Variants in RSRC1 observed in about 807,000 individuals in gnomAD.
The protein encoded by RSRC1 is arginine and serine rich coiled-coil 1, also known as serine/Arginine-related protein 53.
RSRC1 carries 39 observed loss-of-function variants against 49.1 expected under a neutral mutation model. The observed-to-expected ratio is 0.79, with a 90% CI of 0.61 to 1.04. The LOEUF is 1.04. Ranked by LOEUF, RSRC1 falls within the 50% of genes least tolerant of loss-of-function variation. The pLI, the probability that RSRC1 is intolerant of heterozygous loss-of-function variation, is 0.00. For synonymous variants in RSRC1, 143 were observed against 130.8 expected (o/e 1.09, Z -0.63); for missense variants, 388 against 402.4 (o/e 0.96, Z 0.31).
chr3:158,308,997 ATG>A (rs938595222), intron 5 of RSRC1, among the ~76,000 whole-genome samples: 3 of 151,912 alleles, frequency 2.0e-5, no homozygotes, highest in African/African-American at 7.2e-5. Context: ...AGCTGTACAT[ATG>A]TAATGGTCCC....
intron 4 of RSRC1, among the ~76,000 whole-genome samples, chr3:158,244,189 C>T (rs748473507): frequency 3.3e-5 from 5 of 151,928 alleles, no homozygotes; most frequent in South Asian, 4.1e-4. Context: ...GAGAGGGCAT[C>T]GTCTTGTGCC....
intron 6 of RSRC1, among the ~76,000 whole-genome samples, chr3:158,444,665 A>C (rs181691765): frequency 0.016 from 2,425 of 152,284 alleles, 85 homozygotes; most frequent in African/African-American, 0.055. Flanking sequence ...AATGGGATCT[A>C]ATTAAACTAA....
At chr3:158,125,841 T>C (rs1269179967) in intron 3 of RSRC1, among the ~76,000 whole-genome samples, 4 of 152,174 alleles carry the variant, frequency 2.6e-5, no homozygotes, top group Non-Finnish European at 4.4e-5. Context: ...TAAATACTTC[T>C]CCCTTCCATT....
chr3:158,230,196 A>G (rs529118701), intron 4 of RSRC1, among the ~76,000 whole-genome samples: 1 of 152,074 alleles, frequency 6.6e-6, no homozygotes, highest in Admixed American at 6.6e-5. Flanking sequence ...ATGTTTCTTC[A>G]TGATTGGAAT....
At chr3:158,364,456 T>A (rs1421889783) in intron 6 of RSRC1, among the ~76,000 whole-genome samples, 2 of 152,170 alleles carry the variant, frequency 1.3e-5, no homozygotes, top group African/African-American at 4.8e-5. Context: ...CTTGATTGTG[T>A]TTTGGTAGTC....
chr3:158,259,674 C>G (rs1055405424), intron 4 of RSRC1, among the ~76,000 whole-genome samples: 1 of 152,250 alleles, frequency 6.6e-6, no homozygotes, highest in South Asian at 2.1e-4. Context: ...CAGCGAGTTC[C>G]CCCCAGCCCC....
intron 3 of RSRC1, among the ~76,000 whole-genome samples, chr3:158,157,881 C>T (rs1451252292): frequency 6.6e-6 from 1 of 152,016 alleles, no homozygotes; most frequent in Non-Finnish European, 1.5e-5. Flanking sequence ...CACCATTGCA[C>T]CCCACCCTGG....
At chr3:158,178,099 C>T (rs1173291091) in intron 3 of RSRC1, among the ~76,000 whole-genome samples, 1 of 151,802 alleles carries the variant, frequency 6.6e-6, no homozygotes, top group Non-Finnish European at 1.5e-5. Flanking sequence ...TGTTTTCATT[C>T]CTGTTGTTGT....
At chr3:158,123,837 C>T (rs1008369795) in intron 2 of RSRC1, 29 bp from the exon 3 acceptor site, 2 of 1,577,266 alleles carry the variant, frequency 1.3e-6, no homozygotes, top group African/African-American at 1.4e-5. Context: ...ATTTTTATAG[C>T]AGTGATCTTT....
At chr3:158,164,858 C>T (rs1718444451) in intron 3 of RSRC1, among the ~76,000 whole-genome samples, 1 of 152,064 alleles carries the variant, frequency 6.6e-6, no homozygotes, top group Admixed American at 6.6e-5. Flanking sequence ...AGTACTTAAG[C>T]ATATTAGTCA....
At chr3:158,291,349 T>C (rs942762744) in intron 4 of RSRC1, among the ~76,000 whole-genome samples, 2 of 152,238 alleles carry the variant, frequency 1.3e-5, no homozygotes, top group African/African-American at 4.8e-5. Context: ...CAATTAGTTA[T>C]GTGATTTATG....
At chr3:158,332,751 C>A (rs1729622439) in intron 5 of RSRC1, among the ~76,000 whole-genome samples, 2 of 151,722 alleles carry the variant, frequency 1.3e-5, no homozygotes, top group Non-Finnish European at 2.9e-5. Flanking sequence ...TACCATTTTG[C>A]TATGTATTTT....
intron 4 of RSRC1, among the ~76,000 whole-genome samples, chr3:158,268,374 T>C (rs1271285701): frequency 6.6e-6 from 1 of 152,128 alleles, no homozygotes; most frequent in Non-Finnish European, 1.5e-5. Context: ...TAGTCAAGGG[T>C]TTTGACTTAA....
At chr3:158,498,557 A>G (rs569698778) in intron 7 of RSRC1, among the ~76,000 whole-genome samples, 30 of 152,192 alleles carry the variant, frequency 2.0e-4, no homozygotes, top group African/African-American at 6.5e-4. Flanking sequence ...TTGCCATGGA[A>G]AAGCTCTTTA....
At chr3:158,392,252 T>C (rs13092454) in intron 6 of RSRC1, among the ~76,000 whole-genome samples, 5 of 152,156 alleles carry the variant, frequency 3.3e-5, no homozygotes, top group Non-Finnish European at 7.4e-5. Context: ...TTTACTACTG[T>C]GGCTATGAGA....
At chr3:158,350,410 G>A (rs1730807430) in intron 5 of RSRC1, among the ~76,000 whole-genome samples, 2 of 151,868 alleles carry the variant, frequency 1.3e-5, no homozygotes, top group Non-Finnish European at 2.9e-5. Context: ...GTGAGCTCAA[G>A]CGATCTGCCC....
chr3:158,145,021 C>G (rs1716995079), intron 3 of RSRC1, among the ~76,000 whole-genome samples: 1 of 152,072 alleles, frequency 6.6e-6, no homozygotes, highest in Non-Finnish European at 1.5e-5. Context: ...TTTGTAGATT[C>G]TGGATATTAG....
intron 7 of RSRC1, among the ~76,000 whole-genome samples, chr3:158,500,062 T>C (rs1392380126): frequency 6.6e-6 from 1 of 152,172 alleles, no homozygotes; most frequent in Non-Finnish European, 1.5e-5. Context: ...TTGCTGAGAG[T>C]TTTAATCATA....
At chr3:158,442,550 A>T (rs1241772394) in intron 6 of RSRC1, among the ~76,000 whole-genome samples, 1 of 151,922 alleles carries the variant, frequency 6.6e-6, no homozygotes, top group East Asian at 1.9e-4. Flanking sequence ...TTTACCACAA[A>T]CTGCAGTTAC....
Sources: allele counts gnomAD v4.1 joint callset (sites outside exome capture counted in the v4.1 genomes callset), GRCh38; gene constraint gnomAD v4.1.1; transcripts MANE v1.5; gene names NCBI Gene and HGNC (gene_info 2026-07-23, HGNC 2026-07-21).